UST: variants seen among roughly 807,000 people sequenced by gnomAD.
UST encodes the protein uronyl 2-sulfotransferase.
A neutral mutation model predicts 45.6 loss-of-function variants in UST; 21 were observed. That is an observed-to-expected ratio of 0.46 (90% confidence interval 0.33 to 0.66). The LOEUF is 0.66. UST is among the 30% of genes least tolerant of loss of function. The probability of loss-of-function intolerance (pLI) is 0.02; values close to 1 mark genes in which losing one functional copy is unlikely to be tolerated. For synonymous variants in UST, 215 were observed against 200.6 expected, an observed-to-expected ratio of 1.07 and a Z score of -0.61; for missense variants, 463 against 512.4, an observed-to-expected ratio of 0.90 and a Z score of 0.93.
intron 1 of UST, among the ~76,000 whole-genome samples, chr6:148,766,174 C>T (rs1321999068): frequency 6.6e-6 from 1 of 152,066 alleles, no homozygotes; most frequent in African/African-American, 2.4e-5. Context: ...GTTTCTGTGC[C>T]AAAATATAGC....
intron 7 of UST, among the ~76,000 whole-genome samples, chr6:149,068,120 GGTT>G (rs1191380897): frequency 1.3e-5 from 2 of 152,064 alleles, no homozygotes; most frequent in Non-Finnish European, 2.9e-5. Context: ...CTGTGAGATC[GGTT>G]GTTAAGTTTG....
chr6:149,003,467 C>T lies in UST; in HGVS notation c.682-15672C>T, dbSNP rs138267004. ...AACAAAAAAAAAAAACATTAAGGCA[C>T]CTAGTAGTTTTATAAATAATTCCCA... is the stretch of plus-strand genomic sequence containing the variant. On this transcript the variant is annotated intron_variant, in intron 5 of 7. Transcript: ENST00000367463. 7.8e-3 allele frequency among the ~76,000 whole-genome samples: 1,187 copies of T among 151,722 alleles called. 8 individuals carry two copies. The highest frequency in any genetic ancestry group is 0.017 in the Middle Eastern group (5 of 292).
intron 1 of UST, among the ~76,000 whole-genome samples, chr6:148,793,758 C>T (rs989622495): frequency 1.3e-5 from 2 of 152,140 alleles, no homozygotes; most frequent in African/African-American, 4.8e-5. Context: ...CTTCTGAGTT[C>T]GTGGCTGCTT....
chr6:149,074,588 A>AAGG lies in UST; in HGVS notation c.*477_*479dup, dbSNP rs1299584081. The AAGG allele has an allele frequency of 1.2e-5, 2 of 161,778 alleles. No individual in the cohort carries two copies. Among genetic ancestry groups the AAGG allele is most frequent in the Non-Finnish European group, 2.7e-5 (2 of 73,420 alleles). 10.0% of individuals were successfully genotyped at this position (161,778 alleles called of 1,614,324 possible). A position where few individuals can be genotyped will look rare whatever the true frequency, so the allele number is the denominator to read the frequency against. ...AGGTAAGACAGATTAGGACATCGAA[A>AAGG]AGGAGGATGGAGCCAGGTGCCATGG... On this transcript the variant is annotated 3_prime_UTR_variant, in exon 8 of 8. Transcript: ENST00000367463.
chr6:148,807,180 G>A (rs1440265089), intron 1 of UST, among the ~76,000 whole-genome samples: 1 of 152,186 alleles, frequency 6.6e-6, no homozygotes, highest in Admixed American at 6.5e-5. Context: ...TATGAGTCTG[G>A]TCAGTTCCTC....
chr6:149,033,788 T>G (rs529507811), intron 7 of UST, among the ~76,000 whole-genome samples: 1 of 152,362 alleles, frequency 6.6e-6, no homozygotes, highest in East Asian at 1.9e-4. Flanking sequence ...CCTAGGATTT[T>G]ACCTCCCTGC....
At chr6:148,909,564 T>C (rs745784167) in intron 2 of UST, among the ~76,000 whole-genome samples, 26 of 152,338 alleles carry the variant, frequency 1.7e-4, no homozygotes, top group Admixed American at 5.9e-4. Context: ...TTTTGTTTAG[T>C]TTTTGTTTTG....
rs1781217068 is a variant in UST, at chr6:148,985,164, G to A, written c.681+20601G>A. On this transcript the variant is annotated intron_variant, in intron 5 of 7. Coordinates refer to ENST00000367463, the MANE Select transcript of UST (RefSeq NM_005715.3). ...AGACACCCAGCAGGCAGAAAAGTGG[G>A]CTGTGCTGAATATGTGGAATTGGAA... 2.0e-5 allele frequency among the ~76,000 whole-genome samples: 3 copies of A among 152,298 alleles called. No homozygotes were observed. The South Asian group carries it at 6.2e-4, about 32-fold the overall frequency.
intron 1 of UST, among the ~76,000 whole-genome samples, chr6:148,823,375 T>C (rs1022029214): frequency 3.3e-5 from 5 of 152,226 alleles, no homozygotes; most frequent in Non-Finnish European, 7.3e-5. Context: ...GCTCTAAGAA[T>C]GCCTTTTATA....
chr6:148,909,231 T>A (rs940065842), intron 2 of UST, among the ~76,000 whole-genome samples: 7 of 152,258 alleles, frequency 4.6e-5, no homozygotes, highest in African/African-American at 1.4e-4. Context: ...TGAACTTTTT[T>A]AAAAGAGCAC....
At chr6:148,887,752 G>A (rs1778939410) in intron 2 of UST, among the ~76,000 whole-genome samples, 1 of 152,144 alleles carries the variant, frequency 6.6e-6, no homozygotes, top group Non-Finnish European at 1.5e-5. Flanking sequence ...AAATGATGGG[G>A]ATTGTTGATC....
At chr6:148,761,534 A>AAG (rs2114658023) in intron 1 of UST, among the ~76,000 whole-genome samples, 1 of 152,202 alleles carries the variant, frequency 6.6e-6, no homozygotes, top group African/African-American at 2.4e-5. Context: ...AAAAAAAAAA[A>AAG]AAGTGTGTAA....
chr6:149,014,653 C>T lies in UST; in HGVS notation c.682-4486C>T, dbSNP rs557606285. 9.9e-5 allele frequency among the ~76,000 whole-genome samples: 15 copies of T among 152,256 alleles called. No individual in the cohort carries two copies. The South Asian group carries it at 1.9e-3, about 19-fold the overall frequency. On this transcript the variant is annotated intron_variant, in intron 5 of 7. Transcript: ENST00000367463. ...TGGACTGGAGTATGTTAACTCTCCC[C>T]GCCAGAAACCTGGGCCTGCTATTGA...
At chr6:148,949,594 A>G (rs17080433) in intron 3 of UST, among the ~76,000 whole-genome samples, 10,061 of 152,092 alleles carry the variant, frequency 0.066, 401 homozygotes, top group South Asian at 0.14. Flanking sequence ...TAATGAACAT[A>G]TGGGTCTGTC....
In UST at chr6:148,953,886, A is replaced by C. The variant is rs1780423695; in HGVS notation, c.462A>C (p.Lys154Asn). The C allele has an allele frequency of 1.2e-6, 2 of 1,603,484 alleles. No individual in the cohort carries two copies. Among genetic ancestry groups the C allele is most frequent in the Admixed American group, 3.4e-5 (2 of 58,330 alleles). Residue 154 changes from lysine (K) to asparagine (N), a missense_variant, in exon 4 of 8, where the codon AAA becomes AAC. Physicochemically the swap from Lys to Asn is moderately conservative, Grantham distance 94. Around this residue, in one of 2 missense-constraint regions of UST, gnomAD observed 287 missense variants for 374.2 expected, o/e 0.77. Transcript: ENST00000367463. ...TTTTTTAATAGATGGAACTGATTAAAAATATAAGTACTGCCGAACAACCCT... is the reference window on the plus strand; with the variant it reads ...TTTTTTAATAGATGGAACTGATTAACAATATAAGTACTGCCGAACAACCCT... The part of the protein sequence containing the change: ...LTKNEQMELI[K>N]NISTAEQPYL...
At chr6:149,017,403 G>A (rs2340752) in intron 5 of UST, among the ~76,000 whole-genome samples, 103,243 of 151,574 alleles carry the variant, frequency 0.68, 35,654 homozygotes, top group African/African-American at 0.78. Context: ...AGTAAGATGC[G>A]TACATTGTAA....
In UST at chr6:149,013,356, C is replaced by T. The variant is rs892154803; in HGVS notation, c.682-5783C>T. ...CCTGAGGTCAGGAGTTCGAGTTTGC[C>T]GCTACTAAAAATACAAAAAATTAGC... On this transcript the variant is annotated intron_variant, in intron 5 of 7. Transcript: ENST00000367463. Among the ~76,000 whole-genome samples the T allele has an allele frequency of 4.6e-5, 7 of 152,004 alleles. No individual in the cohort carries two copies. In the South Asian group the frequency reaches 8.3e-4, roughly 18 times the overall value.
intron 1 of UST, among the ~76,000 whole-genome samples, chr6:148,814,032 C>T (rs775108991): frequency 5.3e-5 from 8 of 152,162 alleles, no homozygotes; most frequent in Non-Finnish European, 1.0e-4. Flanking sequence ...TGCATTTACA[C>T]GATGCACTTT....
chr6:149,049,391 C>T (rs1030752818), intron 7 of UST, among the ~76,000 whole-genome samples: 1 of 152,020 alleles, frequency 6.6e-6, no homozygotes, highest in African/African-American at 2.4e-5. Context: ...CAATATGATA[C>T]CAGTTTTACT....
Sources: gnomAD v4.1 joint callset for allele counts (sites outside exome capture counted in the v4.1 genomes callset) on GRCh38, gnomAD v4.1.1 for gene constraint, gnomAD v4.1.1 regional missense constraint, MANE v1.5 for transcripts, NCBI Gene and HGNC (gene_info 2026-07-23, HGNC 2026-07-21) for gene names.